The following LAMA1 variants were observed in gnomAD, a reference collection of about 807,000 sequenced individuals.
LAMA1 encodes laminin subunit alpha 1, also known as laminin subunit alpha-1.
A neutral mutation model predicts 348.7 loss-of-function variants in LAMA1; 219 were observed. That is an observed-to-expected ratio of 0.63 (90% CI 0.56 to 0.70). The LOEUF (loss-of-function observed/expected upper bound fraction) is 0.70. Among genes scored for constraint, LAMA1 ranks in the 30% least tolerant of loss-of-function variants. The pLI, the probability that LAMA1 is intolerant of heterozygous loss-of-function variation, is 0.00. For missense variants in LAMA1, 3,744 were observed against 3,888.0 expected (o/e 0.96, Z 0.99); for synonymous variants, 1,487 against 1,491.0 (o/e 1.00, Z 0.06).
At chr18:6,985,092 A>T in intron 39 of LAMA1, 145 bp downstream of exon 39, 1 of 959,478 alleles carries the variant, frequency 1.0e-6, no homozygotes. Context: ...AGACACAAGG[A>T]AATCCAACTT....
chr18:7,042,057 C>T (rs1288137767), intron 9 of LAMA1, 88 bp downstream of exon 9: 5 of 863,848 alleles, frequency 5.8e-6, no homozygotes, highest in African/African-American at 1.7e-5. Context: ...ATGTTACCAA[C>T]TGGCTATTAC....
chr18:7,003,537 C>T (rs910638821), intron 29 of LAMA1, among the ~76,000 whole-genome samples: 1 of 152,138 alleles, frequency 6.6e-6, no homozygotes, highest in Non-Finnish European at 1.5e-5. Flanking sequence ...GGATTACAGG[C>T]GTGAGCCACC....
At chr18:7,063,704 T>C (rs2058111523) in intron 3 of LAMA1, among the ~76,000 whole-genome samples, 1 of 152,168 alleles carries the variant, frequency 6.6e-6, no homozygotes. Flanking sequence ...TGCTACAACA[T>C]AGATAAGCCT....
chr18:6,977,174 G>C (rs1367747496), intron 44 of LAMA1, among the ~76,000 whole-genome samples: 5 of 152,158 alleles, frequency 3.3e-5, no homozygotes, highest in Non-Finnish European at 5.9e-5. Flanking sequence ...ATGTGCCATG[G>C]GTAAAACATC....
intron 44 of LAMA1, among the ~76,000 whole-genome samples, chr18:6,976,479 A>T (rs1028403193): frequency 6.6e-6 from 1 of 152,194 alleles, no homozygotes; most frequent in African/African-American, 2.4e-5. Context: ...TAGAGCAATT[A>T]TTGCACTTAC....
chr18:7,005,754 T>A (rs576846189), intron 29 of LAMA1, among the ~76,000 whole-genome samples: 163 of 151,784 alleles, frequency 1.1e-3, no homozygotes, highest in East Asian at 6.8e-3. Flanking sequence ...TTGAAAAAAA[T>A]AATAATAATA....
chr18:7,116,022 T>G (rs1435610945), intron 1 of LAMA1, among the ~76,000 whole-genome samples: 1 of 150,222 alleles, frequency 6.7e-6, no homozygotes, highest in African/African-American at 2.4e-5. Flanking sequence ...GGGTGAGGGT[T>G]GGTGGGGTGC....
intron 1 of LAMA1, among the ~76,000 whole-genome samples, chr18:7,101,347 T>C (rs2058290460): frequency 6.6e-6 from 1 of 152,162 alleles, no homozygotes; most frequent in Admixed American, 6.5e-5. Context: ...CTGAAGGAAT[T>C]TGATGGAACC....
chr18:6,975,449 T>A (rs1243596797), intron 45 of LAMA1, among the ~76,000 whole-genome samples: 1 of 152,248 alleles, frequency 6.6e-6, no homozygotes, highest in Non-Finnish European at 1.5e-5. Context: ...CAGACTTGCA[T>A]GCACTTTGCA....
At chr18:6,986,409 T>C (rs1310246079) in intron 36 of LAMA1, 62 bp from the exon 37 acceptor site, 25 of 1,519,024 alleles carry the variant, frequency 1.6e-5, no homozygotes, top group Non-Finnish European at 2.1e-5. Flanking sequence ...ATCTCTGAAA[T>C]AATAGTGGAA....
chr18:7,007,682 C>T (rs1600389141), intron 28 of LAMA1, among the ~76,000 whole-genome samples: 1 of 152,198 alleles, frequency 6.6e-6, no homozygotes, highest in Admixed American at 6.5e-5. Context: ...TATTTGAACC[C>T]CTATGTTCAT....
Position 6,964,801 on chromosome 18 carries a change from C to T in LAMA1, c.7198G>A (p.Val2400Met), listed in dbSNP as rs762623759. The T allele has an allele frequency of 1.2e-6, 2 of 1,614,086 alleles. No homozygotes were observed. Among genetic ancestry groups the T allele is most frequent in the Non-Finnish European group, 1.7e-6 (2 of 1,180,006 alleles). Residue 2400 changes from valine (V) to methionine (M), a missense_variant and splice_region_variant, in exon 51 of 63, where the codon GTG becomes ATG. Val to Met is a conservative substitution (Grantham distance 21). Transcript: ENST00000389658. ...IAFQRNRKQG[V>M]LAVIDAYNTS... ...TTATAGGCATCGATAACTGCTAGCA[C>T]TCCTAAAAGGAGAGCACAGGCAAGA... is the stretch of plus-strand genomic sequence containing the variant.
At chr18:7,110,328 A>G (rs2058330890) in intron 1 of LAMA1, among the ~76,000 whole-genome samples, 1 of 152,190 alleles carries the variant, frequency 6.6e-6, no homozygotes, top group South Asian at 2.1e-4. Flanking sequence ...AAGAGAGACA[A>G]TTTGGATAAG....
intron 57 of LAMA1, 124 bp downstream of exon 57, chr18:6,955,229 T>A: frequency 1.3e-6 from 1 of 765,578 alleles, no homozygotes; most frequent in Non-Finnish European, 2.3e-6. Flanking sequence ...TGCCATTTGG[T>A]TGCAAATCAA....
At chr18:6,942,926 C>T (rs920544984) in intron 62 of LAMA1, among the ~76,000 whole-genome samples, 2 of 152,162 alleles carry the variant, frequency 1.3e-5, no homozygotes, top group African/African-American at 2.4e-5. Context: ...AAATTTACTT[C>T]GGTAGAGTCA....
intron 22 of LAMA1, among the ~76,000 whole-genome samples, chr18:7,014,776 T>G (rs115934294): frequency 6.6e-6 from 1 of 152,238 alleles, no homozygotes; most frequent in Non-Finnish European, 1.5e-5. Flanking sequence ...GATTTATTAC[T>G]TTCTCTTGGA....
intron 16 of LAMA1, among the ~76,000 whole-genome samples, chr18:7,029,775 A>G (rs559394500): frequency 1.3e-5 from 2 of 152,354 alleles, no homozygotes; most frequent in African/African-American, 4.8e-5. Flanking sequence ...GCTGCAAGGA[A>G]AATACACAGA....
chr18:6,980,610 C>T lies in LAMA1; in HGVS notation c.5918G>A (p.Arg1973Lys). The change falls in exon 42 of 63, where the codon AGA (arginine) becomes AAA (lysine). Residue 1973 changes from arginine (R) to lysine (K), a missense_variant. Physicochemically the swap from Arg to Lys is conservative, Grantham distance 26. This residue lies in a region of LAMA1 where 1,983 missense variants were observed against 1,934.3 expected (regional missense o/e 1.03). Transcript: ENST00000389658. ...PGIALELSEL[R>K]NKTNRFQENA... is the part of the protein sequence containing the mutation. The stretch of plus-strand genomic sequence containing the variant: ...CTCTTGAAATCTGTTTGTCTTATTT[C>T]TCAATTCACTCAGTTCCAATGCAAT... 6.2e-7 allele frequency: 1 copy of T among 1,611,456 alleles called. No individual in the cohort carries two copies. The highest frequency in any genetic ancestry group is 8.5e-7 in the Non-Finnish European group (1 of 1,177,812).
intron 1 of LAMA1, among the ~76,000 whole-genome samples, chr18:7,097,995 G>A (rs908216707): frequency 1.3e-4 from 20 of 149,386 alleles, no homozygotes; most frequent in Admixed American, 1.3e-3. Context: ...TAGTGCCTGC[G>A]ATTGCAGGCT....
Sources: gnomAD v4.1 joint callset for allele counts (sites outside exome capture counted in the v4.1 genomes callset) on GRCh38, gnomAD v4.1.1 for gene constraint, gnomAD v4.1.1 regional missense constraint, MANE v1.5 for transcripts, NCBI Gene and HGNC (gene_info 2026-07-23, HGNC 2026-07-21) for gene names.